TRAPPC9: variants seen among roughly 807,000 people sequenced by gnomAD.
The protein encoded by TRAPPC9 is IKK2 binding protein.
TRAPPC9 carries 83 observed loss-of-function variants against 124.0 expected under a neutral mutation model. That is an observed-to-expected ratio of 0.67 (90% CI 0.56 to 0.80). The LOEUF is 0.80. TRAPPC9 is among the 30% of genes least tolerant of loss of function. The pLI, the probability that TRAPPC9 is intolerant of heterozygous loss-of-function variation, is 0.00. For synonymous variants in TRAPPC9, 638 were observed against 617.5 expected, an observed-to-expected ratio of 1.03 and a Z score of -0.49; for missense variants, 1,302 against 1,508.3, an observed-to-expected ratio of 0.86 and a Z score of 2.27.
intron 11 of TRAPPC9, 135 bp downstream of exon 11, chr8:140,300,334 C>T (rs1449071384): frequency 1.8e-6 from 2 of 1,094,124 alleles, no homozygotes; most frequent in African/African-American, 3.1e-5. Flanking sequence ...CACACATATG[C>T]ATGCGTGCAC....
At chr8:140,379,433 T>C (rs1183653402) in intron 7 of TRAPPC9, among the ~76,000 whole-genome samples, 3 of 152,226 alleles carry the variant, frequency 2.0e-5, no homozygotes, top group Non-Finnish European at 4.4e-5. Context: ...GTTGTCAGGT[T>C]GGTGTTTCTT....
intron 18 of TRAPPC9, among the ~76,000 whole-genome samples, chr8:140,022,536 G>C (rs891465313): frequency 2.0e-5 from 3 of 152,076 alleles, no homozygotes; most frequent in Admixed American, 2.0e-4. Context: ...GATATCAATG[G>C]GGAAAAAAAG....
intron 19 of TRAPPC9, among the ~76,000 whole-genome samples, chr8:139,975,927 C>CTTTTTT (rs528679775): frequency 2.8e-4 from 27 of 95,550 alleles, no homozygotes; most frequent in East Asian, 6.5e-4. Flanking sequence ...AAAGGACAGT[C>CTTTTTT]TTTTTTTTTT....
chr8:139,971,099 C>T (rs1836035681), intron 19 of TRAPPC9, among the ~76,000 whole-genome samples: 1 of 151,418 alleles, frequency 6.6e-6, no homozygotes, highest in Non-Finnish European at 1.5e-5. Flanking sequence ...GGCCCAGCCA[C>T]TGCAACCCAC....
At chr8:139,955,525 C>T (rs973123091) in intron 19 of TRAPPC9, among the ~76,000 whole-genome samples, 4 of 152,114 alleles carry the variant, frequency 2.6e-5, no homozygotes, top group Non-Finnish European at 5.9e-5. Context: ...AGGCTCCAAC[C>T]CCACTGATGC....
chr8:140,153,061 G>A (rs976879570), intron 17 of TRAPPC9, among the ~76,000 whole-genome samples: 1 of 152,136 alleles, frequency 6.6e-6, no homozygotes, highest in Non-Finnish European at 1.5e-5. Flanking sequence ...TATTTCTAAT[G>A]AGACTTTGGT....
chr8:139,989,807 G>A (rs554435566), intron 18 of TRAPPC9, among the ~76,000 whole-genome samples: 19 of 152,300 alleles, frequency 1.2e-4, no homozygotes, highest in African/African-American at 4.1e-4. Flanking sequence ...CGCGCCGTCC[G>A]TGTCCGTCAC....
At chr8:140,101,903 G>A (rs2063884007) in intron 17 of TRAPPC9, among the ~76,000 whole-genome samples, 2 of 151,696 alleles carry the variant, frequency 1.3e-5, no homozygotes, top group Middle Eastern at 3.4e-3. Flanking sequence ...TTTGCATGAG[G>A]AAAGGAATGT....
chr8:139,868,151 G>A (rs148517037), intron 21 of TRAPPC9, among the ~76,000 whole-genome samples: 2,300 of 152,272 alleles, frequency 0.015, 52 homozygotes, highest in African/African-American at 0.051. Flanking sequence ...CAGAGGTCAG[G>A]AGTTCAAGAC....
intron 17 of TRAPPC9, among the ~76,000 whole-genome samples, chr8:140,214,639 T>C (rs1419831341): frequency 6.6e-6 from 1 of 152,344 alleles, no homozygotes; most frequent in South Asian, 2.1e-4. Context: ...CAGAGGGGGA[T>C]GCTGAGAGTC....
intron 21 of TRAPPC9, among the ~76,000 whole-genome samples, chr8:139,769,601 GC>G (rs1310420663): frequency 6.6e-6 from 1 of 152,236 alleles, no homozygotes; most frequent in Non-Finnish European, 1.5e-5. Context: ...AGGGAGGACT[GC>G]TGCACTTCCA....
intron 5 of TRAPPC9, among the ~76,000 whole-genome samples, chr8:140,410,393 A>T (rs2069662075): frequency 6.6e-6 from 1 of 152,086 alleles, no homozygotes; most frequent in Non-Finnish European, 1.5e-5. Flanking sequence ...AAATTTAGCC[A>T]GACATGGTGG....
intron 5 of TRAPPC9, among the ~76,000 whole-genome samples, chr8:140,411,619 G>GCT (rs2069710021): frequency 6.6e-6 from 1 of 152,198 alleles, no homozygotes; most frequent in Admixed American, 6.5e-5. Flanking sequence ...TGGGATTACA[G>GCT]GTATGAGCCA....
At chr8:140,417,631 A>T (rs747485591) in intron 5 of TRAPPC9, among the ~76,000 whole-genome samples, 16 of 152,236 alleles carry the variant, frequency 1.1e-4, no homozygotes, top group Non-Finnish European at 1.8e-4. Flanking sequence ...AATTAGTTCA[A>T]CTATTGTGGA....
chr8:139,945,487 ACAAT>A (rs368776769), intron 19 of TRAPPC9, among the ~76,000 whole-genome samples: 17 of 144,360 alleles, frequency 1.2e-4, no homozygotes, highest in African/African-American at 3.7e-4. Context: ...AGACAATTCC[ACAAT>A]CATAGTTGGA....
In TRAPPC9 at chr8:140,252,731, G is replaced by C. The variant is rs751445748; in HGVS notation, c.2431+46C>G. 1 of 1,606,020 alleles carries C rather than the reference G, an allele frequency of 6.2e-7. No individual in the cohort carries two copies. Among genetic ancestry groups the C allele is most frequent in the South Asian group, 1.1e-5 (1 of 91,000 alleles). ...ATCAAGGGATGGGGGTTGCTACACA[G>C]TATCTAGGACCCTGACGTGCTAATT... On this transcript the variant is annotated intron_variant, in intron 16 of 22. Coordinates refer to ENST00000438773, the MANE Select transcript of TRAPPC9 (RefSeq NM_001160372.4). The surrounding 1 kb of genome is among the most constrained non-coding windows in gnomAD (Gnocchi z 4.2).
At chr8:139,929,857 C>T (rs191738600) in intron 19 of TRAPPC9, among the ~76,000 whole-genome samples, 6 of 152,304 alleles carry the variant, frequency 3.9e-5, no homozygotes, top group Admixed American at 3.3e-4. Context: ...GGGGTCTGCC[C>T]TCCCCACCTT....
At chr8:140,387,808 C>T (rs1266630783) in intron 7 of TRAPPC9, among the ~76,000 whole-genome samples, 1 of 152,182 alleles carries the variant, frequency 6.6e-6, no homozygotes, top group East Asian at 1.9e-4. Context: ...TTGTGGAAGA[C>T]AGTGTGGTGA....
chr8:139,988,947 T>C, intron 18 of TRAPPC9, 111 bp from the exon 19 acceptor site: 1 of 748,886 alleles, frequency 1.3e-6, no homozygotes, highest in Non-Finnish European at 2.3e-6. Flanking sequence ...GCAAAGTATA[T>C]CGAAATGCCA....
Sources: gnomAD v4.1 joint callset for allele counts (sites outside exome capture counted in the v4.1 genomes callset) on GRCh38, gnomAD v4.1.1 for gene constraint, Gnocchi (gnomAD v3.1) non-coding constraint, MANE v1.5 for transcripts, NCBI Gene and HGNC (gene_info 2026-07-23, HGNC 2026-07-21) for gene names.